The following LY75 variants were observed in gnomAD, a reference collection of about 807,000 sequenced individuals.
LY75 encodes C-type lectin domain family 13 member B.
LY75 carries 185 observed loss-of-function variants against 231.7 expected under a neutral mutation model. That is an observed-to-expected ratio of 0.80 (90% CI 0.71 to 0.90). The LOEUF is 0.90. Ranked by LOEUF, LY75 falls within the 40% of genes least tolerant of loss-of-function variation. The probability of loss-of-function intolerance (pLI) is 0.00; values close to 1 mark genes in which losing one functional copy is unlikely to be tolerated. For synonymous variants in LY75, 668 were observed against 689.0 expected (o/e 0.97, Z 0.48); for missense variants, 1,947 against 2,050.2 (o/e 0.95, Z 0.97).
At chr2:159,869,576 A>T (rs1436079938) in intron 13 of LY75, among the ~76,000 whole-genome samples, 2 of 152,200 alleles carry the variant, frequency 1.3e-5, no homozygotes, top group African/African-American at 4.8e-5. Flanking sequence ...GCGAGGCCGC[A>T]GCCTGTATCT....
intron 28 of LY75, 141 bp downstream of exon 28, chr2:159,831,529 G>C: frequency 1.1e-6 from 1 of 871,690 alleles, no homozygotes; most frequent in Non-Finnish European, 1.8e-6. Context: ...AAACTGTCTT[G>C]GTATTTATGT....
At chr2:159,853,744 T>C in intron 18 of LY75, 47 bp from the exon 19 acceptor site, 2 of 1,610,888 alleles carry the variant, frequency 1.2e-6, no homozygotes. Flanking sequence ...TGAGCTTTCT[T>C]GAGGGTTTTG....
chr2:159,819,594 T>A, intron 29 of LY75, 132 bp downstream of exon 29: 1 of 1,118,416 alleles, frequency 8.9e-7, no homozygotes, highest in Non-Finnish European at 1.2e-6. Flanking sequence ...CCTTCCTCGA[T>A]AACCTCTGTA....
At chr2:159,835,869 T>A (rs558587289) in intron 25 of LY75, among the ~76,000 whole-genome samples, 3 of 152,302 alleles carry the variant, frequency 2.0e-5, no homozygotes, top group African/African-American at 7.2e-5. Flanking sequence ...TATCTCCATT[T>A]TAAAGATGAG....
rs567842451 is a variant in LY75, at chr2:159,824,843, T to A, written c.3959-4923A>T. On this transcript the variant is annotated intron_variant, in intron 28 of 34. Coordinates refer to ENST00000263636, the MANE Select transcript of LY75 (RefSeq NM_002349.4). ...ACAACTACATGGAAACTGAACAACC[T>A]GCTCCTGAATGACACTGGGTAAATA... 5.9e-4 allele frequency among the ~76,000 whole-genome samples: 42 copies of A among 71,704 alleles called. 1 individual carries two copies. The East Asian group carries it at 0.018, about 30-fold the overall frequency. The allele number at this position is 71,704 out of a possible 152,430, so 47.0% of individuals were successfully genotyped here.
At position 159,831,729 on chromosome 2, in the gene LY75, T is replaced by C. The variant is rs751839571; in HGVS notation, c.3899A>G (p.Glu1300Gly). The C allele has an allele frequency of 3.1e-6, 5 of 1,612,848 alleles. No homozygotes were observed. Among genetic ancestry groups the C allele is most frequent in the Non-Finnish European group, 3.4e-6 (4 of 1,179,572 alleles). ...RDEKENNFVL[E>G]QLLYFNYMAS... ...CATATAATTGAAGTACAGCAGTTGC[T>C]CAAGAACAAAGTTATTCTCCTTTTC... is the stretch of plus-strand genomic sequence containing the variant. Residue 1300 changes from glutamate (E) to glycine (G), a missense_variant, in exon 28 of 35, where the codon GAG (glutamate) becomes GGG (glycine). Coordinates refer to ENST00000263636, the MANE Select transcript of LY75 (RefSeq NM_002349.4).
chr2:159,903,982 A>G (rs1686156936), intron 1 of LY75, among the ~76,000 whole-genome samples: 8 of 152,216 alleles, frequency 5.3e-5, no homozygotes. Context: ...TGATAAACCA[A>G]TGAGAAGAAA....
At chr2:159,863,012 T>TC (rs1282556091) in intron 14 of LY75, among the ~76,000 whole-genome samples, 8 of 148,910 alleles carry the variant, frequency 5.4e-5, no homozygotes, top group Non-Finnish European at 1.0e-4. Context: ...CTCTATGAGA[T>TC]CCTTTTTTTT....
At chr2:159,847,008 C>T (rs1228566828) in intron 23 of LY75, among the ~76,000 whole-genome samples, 1 of 152,080 alleles carries the variant, frequency 6.6e-6, no homozygotes, top group African/African-American at 2.4e-5. Flanking sequence ...TTTTCTCTCT[C>T]TTTTATTTTA....
chr2:159,901,949 T>C (rs1225996610), intron 1 of LY75, among the ~76,000 whole-genome samples: 1 of 152,216 alleles, frequency 6.6e-6, no homozygotes, highest in Admixed American at 6.5e-5. Flanking sequence ...GCAGGAGCTG[T>C]TGAAACTGCC....
chr2:159,851,045 C>T (rs912317210), intron 21 of LY75, among the ~76,000 whole-genome samples: 1 of 151,460 alleles, frequency 6.6e-6, no homozygotes, highest in African/African-American at 2.4e-5. Flanking sequence ...TCTGTTCCAC[C>T]TAATTTCAAA....
At chr2:159,845,047 C>T (rs994331649) in intron 23 of LY75, among the ~76,000 whole-genome samples, 4 of 151,910 alleles carry the variant, frequency 2.6e-5, no homozygotes, top group African/African-American at 9.7e-5. Flanking sequence ...CCATGTTGCT[C>T]CAAAGGACAT....
At chr2:159,873,770 T>C (rs1418369602) in intron 12 of LY75, among the ~76,000 whole-genome samples, 1 of 105,710 alleles carries the variant, frequency 9.5e-6, no homozygotes, top group Non-Finnish European at 2.3e-5. Context: ...CATAAATATA[T>C]ACATTTTGTA....
At position 159,805,056 on chromosome 2, in the gene LY75, A is replaced by G. The variant is rs1468933184; in HGVS notation, c.5157T>C (p.Ser1719=). ...GVNEDEIMLP[S]FHD ...CTTTTAGAAGAATTTAGTCATGGAAAGAAGGAAGCATAATCTCATCTTCAT... is the reference window on the plus strand; with the variant it reads ...CTTTTAGAAGAATTTAGTCATGGAAGGAAGGAAGCATAATCTCATCTTCAT... The change falls in exon 35 of 35, where the codon TCT becomes TCC. Residue 1719 remains serine, a synonymous_variant. Transcript: ENST00000263636. The G allele has an allele frequency of 1.2e-6, 2 of 1,613,252 alleles. No individual in the cohort carries two copies. Among genetic ancestry groups the G allele is most frequent in the Non-Finnish European group, 1.7e-6 (2 of 1,179,562 alleles).
At chr2:159,812,642 G>A (rs748859639) in intron 31 of LY75, among the ~76,000 whole-genome samples, 15 of 151,978 alleles carry the variant, frequency 9.9e-5, no homozygotes, top group Non-Finnish European at 1.9e-4. Flanking sequence ...TGAACTCCTG[G>A]GCTCAAGCCA....
chr2:159,808,262 A>G (rs1682847638), intron 33 of LY75, 187 bp downstream of exon 33: 1 of 779,924 alleles, frequency 1.3e-6, no homozygotes, highest in African/African-American at 1.9e-5. Flanking sequence ...GGTTTCCGTC[A>G]TTGCTAAGTT....
In LY75 at chr2:159,886,489, G is replaced by C. The variant is rs768120302; in HGVS notation, c.844C>G (p.Gln282Glu). 3.1e-6 allele frequency: 5 copies of C among 1,608,852 alleles called. No individual in the cohort carries two copies. The highest frequency in any genetic ancestry group is 4.2e-6 in the Non-Finnish European group (5 of 1,177,324). ...IAKIFWIGLN[Q>E]LYSARGWEWS... is the part of the protein sequence containing the mutation. ...TCCCAGCCTCTAGCAGAGTATAGCT[G>C]ATTTAAACCAATCCAGAAAATCTTA... The change falls in exon 5 of 35, where the codon CAG becomes GAG. Residue 282 changes from glutamine to glutamate, a missense_variant. Gln to Glu is a conservative substitution (Grantham distance 29). Coordinates refer to ENST00000263636, the MANE Select transcript of LY75 (RefSeq NM_002349.4).
chr2:159,854,414 A>G lies in LY75; in HGVS notation c.2541T>C (p.Leu847=). 6.4e-7 allele frequency: 1 copy of G among 1,555,868 alleles called. No individual in the cohort carries two copies. The highest frequency in any genetic ancestry group is 8.7e-7 in the Non-Finnish European group (1 of 1,144,922). ...GTCCCACAAAAGATGTTATAGTTGCAAGAAAGCTGTGATTGCTGGCACAGT... is the reference window on the plus strand; with the variant it reads ...GTCCCACAAAAGATGTTATAGTTGCGAGAAAGCTGTGATTGCTGGCACAGT... ...VLYCASNHSF[L]ATITSFVGLK... is the part of the protein sequence containing the mutation. Residue 847 remains leucine (L), a synonymous_variant, in exon 18 of 35, where the codon CTT becomes CTC. Coordinates refer to ENST00000263636, the MANE Select transcript of LY75 (RefSeq NM_002349.4).
At chr2:159,844,283 A>T (rs73967943) in intron 23 of LY75, among the ~76,000 whole-genome samples, 1 of 151,222 alleles carries the variant, frequency 6.6e-6, no homozygotes, top group Non-Finnish European at 1.5e-5. Context: ...GTTTAATACA[A>T]TATCTACTAA....
Sources: gnomAD v4.1 joint callset for allele counts (sites outside exome capture counted in the v4.1 genomes callset) on GRCh38, gnomAD v4.1.1 for gene constraint, MANE v1.5 for transcripts, NCBI Gene and HGNC (gene_info 2026-07-23, HGNC 2026-07-21) for gene names.